RBBP6: variants seen among roughly 807,000 people sequenced by gnomAD.
RBBP6 encodes RB binding protein 6, ubiquitin ligase.
RBBP6 carries 25 observed loss-of-function variants against 167.7 expected under a neutral mutation model. The ratio of observed to expected loss-of-function variants is 0.15; its 90% CI spans 0.11 to 0.21. The LOEUF (loss-of-function observed/expected upper bound fraction) is 0.21. RBBP6 is among the 10% of genes least tolerant of loss of function. The probability of loss-of-function intolerance (pLI) is 1.00; values close to 1 mark genes in which losing one functional copy is unlikely to be tolerated. For missense variants in RBBP6, 1,868 were observed against 2,134.2 expected (o/e 0.88, Z 2.46); for synonymous variants, 789 against 735.8 (o/e 1.07, Z -1.17).
intron 7 of RBBP6, 146 bp from the exon 8 acceptor site, chr16:24,559,359 C>T: frequency 1.9e-6 from 1 of 535,636 alleles, no homozygotes; most frequent in Non-Finnish European, 3.2e-6. Flanking sequence ...TACATAATTA[C>T]TCCCTTATTT....
rs1201562755 is a variant in RBBP6 at position 24,568,632 on chromosome 16, A to AT, written c.2055-110dup. ...TGCCTCTTTAATCATCTAAGATGAA[A>AT]TTTGATATAAAGATAGATGAAACCG... On this transcript the variant is annotated intron_variant, in intron 16 of 17. Coordinates refer to ENST00000319715, the MANE Select transcript of RBBP6 (RefSeq NM_006910.5). 2.9e-6 allele frequency: 4 copies of AT among 1,394,356 alleles called. No homozygotes were observed. In the African/African-American group the frequency reaches 4.3e-5, roughly 15 times the overall value. The allele number at this position is 1,394,356 out of a possible 1,614,324, so 86.4% of individuals were successfully genotyped here. A position where few individuals can be genotyped will look rare whatever the true frequency, so the allele number is the denominator to read the frequency against.
At chr16:24,545,648 G>A (rs1034931873) in intron 1 of RBBP6, among the ~76,000 whole-genome samples, 6 of 152,104 alleles carry the variant, frequency 3.9e-5, no homozygotes, top group African/African-American at 1.4e-4. Flanking sequence ...CCTCCAAGGG[G>A]CTTTCTTGGA....
chr16:24,542,204 T>A (rs1192411006), intron 1 of RBBP6, among the ~76,000 whole-genome samples: 1 of 152,174 alleles, frequency 6.6e-6, no homozygotes, highest in Non-Finnish European at 1.5e-5. Context: ...TAGCTTTATT[T>A]AAGTGCCTCA....
chr16:24,542,481 CAG>C (rs1398412327), intron 1 of RBBP6, among the ~76,000 whole-genome samples: 2 of 147,746 alleles, frequency 1.4e-5, no homozygotes, highest in Admixed American at 6.8e-5. Flanking sequence ...TCCCCTGAAA[CAG>C]AGTCTCACTC....
At chr16:24,570,687 G>T (rs898125848) in intron 17 of RBBP6, among the ~76,000 whole-genome samples, 188 bp downstream of exon 17, 1 of 152,088 alleles carries the variant, frequency 6.6e-6, no homozygotes, top group Non-Finnish European at 1.5e-5. Context: ...GATTTTGGGG[G>T]TGAGCCACAT....
intron 10 of RBBP6, among the ~76,000 whole-genome samples, 154 bp from the exon 11 acceptor site, chr16:24,563,045 G>C (rs192157774): frequency 6.6e-6 from 1 of 152,108 alleles, no homozygotes; most frequent in Non-Finnish European, 1.5e-5. Context: ...ACTCTTCAAA[G>C]TTTCAGCCTT....
At chr16:24,563,703 G>A (rs558252779) in intron 13 of RBBP6, 39 bp downstream of exon 13, 2 of 1,582,052 alleles carry the variant, frequency 1.3e-6, no homozygotes, top group South Asian at 1.1e-5. Context: ...ATGATTGCCT[G>A]CAAACTAGAT....
intron 4 of RBBP6, 127 bp downstream of exon 4, chr16:24,553,684 C>T: frequency 3.4e-6 from 2 of 580,260 alleles, no homozygotes; most frequent in South Asian, 3.2e-5. Context: ...CATATTATTA[C>T]TATCCTGTAA....
At position 24,571,885 on chromosome 16, in the gene RBBP6, A is replaced by G. The variant is rs1362557174; in HGVS notation, c.4819A>G (p.Ile1607Val). ...QVEKEQITGQ[I>V]DKSTVKPKPQ... ...TGAAAAAGAGCAAATTACTGGGCAA[A>G]TTGACAAGAGTACTGTCAAGCCTAA... The change falls in exon 18 of 18, where the codon ATT becomes GTT. Residue 1607 changes from isoleucine to valine, a missense_variant. Physicochemically the swap from Ile to Val is conservative, Grantham distance 29. This residue lies in a region of RBBP6 where 591 missense variants were observed against 540.5 expected (regional missense o/e 1.09). Coordinates refer to ENST00000319715, the MANE Select transcript of RBBP6 (RefSeq NM_006910.5). 1 of 1,614,120 alleles carries G rather than the reference A, an allele frequency of 6.2e-7. No homozygotes were observed. Among genetic ancestry groups the G allele is most frequent in the Non-Finnish European group, 8.5e-7 (1 of 1,179,994 alleles).
rs1450496728 is a variant in RBBP6, at chr16:24,572,709, T to C, written c.*264T>C. The C allele has an allele frequency of 1.3e-5, 4 of 317,702 alleles. No individual in the cohort carries two copies. Among genetic ancestry groups the C allele is most frequent in the Non-Finnish European group, 2.2e-5 (4 of 178,828 alleles). 19.7% of individuals were successfully genotyped at this position (317,702 alleles called of 1,614,324 possible). A position where few individuals can be genotyped will look rare whatever the true frequency, so the allele number is the denominator to read the frequency against. Reference sequence around the variant, plus strand: ...ACCATTAATTAGTTGGGGTGGAGTTTACTGTAATGTGAAATTTTCACATTT... The same window carrying C: ...ACCATTAATTAGTTGGGGTGGAGTTCACTGTAATGTGAAATTTTCACATTT... On this transcript the variant is annotated 3_prime_UTR_variant, in exon 18 of 18. Coordinates refer to ENST00000319715, the MANE Select transcript of RBBP6 (RefSeq NM_006910.5).
intron 9 of RBBP6, 33 bp downstream of exon 9, chr16:24,561,748 C>G (rs1379909783): frequency 6.2e-7 from 1 of 1,609,086 alleles, no homozygotes; most frequent in Non-Finnish European, 8.5e-7. Context: ...TGAAAAAATT[C>G]TTTTTAACTG....
chr16:24,569,264 G>T lies in RBBP6; in HGVS notation c.2574G>T (p.Glu858Asp), dbSNP rs1325729942. ...AGCCTAGACCCTCAGCAAATAGAGA[G>T]AACTTTTCTCCAGAGAGATTTTTGC... ...GAQPRPSANR[E>D]NFSPERFLPL... Residue 858 changes from glutamate (E) to aspartate (D), a missense_variant, in exon 17 of 18, where the codon GAG (glutamate) becomes GAT (aspartate). Physicochemically the swap from Glu to Asp is conservative, Grantham distance 45 (BLOSUM62 2). This residue lies in a region of RBBP6 where 673 missense variants were observed against 691.5 expected (regional missense o/e 0.97). Coordinates refer to ENST00000319715, the MANE Select transcript of RBBP6 (RefSeq NM_006910.5). The T allele has an allele frequency of 6.2e-7, 1 of 1,612,278 alleles. No homozygotes were observed. The highest frequency in any genetic ancestry group is 2.2e-5 in the East Asian group (1 of 44,866).
At chr16:24,544,212 A>G (rs1418186170) in intron 1 of RBBP6, among the ~76,000 whole-genome samples, 1 of 152,152 alleles carries the variant, frequency 6.6e-6, no homozygotes, top group Non-Finnish European at 1.5e-5. Context: ...GTTTGACACA[A>G]AGTTTTATTT....
chr16:24,546,052 GTTA>G, intron 1 of RBBP6, 108 bp from the exon 2 acceptor site: 5 of 1,417,336 alleles, frequency 3.5e-6, no homozygotes, highest in Non-Finnish European at 4.6e-6. Context: ...GGAACTTGTA[GTTA>G]TTATATTTAA....
Position 24,540,267 on chromosome 16 carries a change from C to G in RBBP6, c.-360C>G. On this transcript the variant is annotated 5_prime_UTR_variant, in exon 1 of 18. Transcript: ENST00000319715. ...CCCGTGGGGTCGCTCGGACTCTTAA[C>G]GTGTGGACTGACCGCTACTGACTGC... 5.1e-6 allele frequency: 1 copy of G among 196,462 alleles called. No homozygotes were observed. The highest frequency in any genetic ancestry group is 1.1e-5 in the Non-Finnish European group (1 of 93,386). 12.2% of individuals were successfully genotyped at this position (196,462 alleles called of 1,614,324 possible). A position where few individuals can be genotyped will look rare whatever the true frequency, so the allele number is the denominator to read the frequency against.
At chr16:24,562,569 A>T (rs887459269) in intron 10 of RBBP6, among the ~76,000 whole-genome samples, 1 of 152,190 alleles carries the variant, frequency 6.6e-6, no homozygotes, top group East Asian at 1.9e-4. Context: ...TAGAGAAGTC[A>T]GGAATAGTGA....
At chr16:24,565,335 C>T (rs1292802709) in intron 14 of RBBP6, among the ~76,000 whole-genome samples, 1 of 152,230 alleles carries the variant, frequency 6.6e-6, no homozygotes, top group African/African-American at 2.4e-5. Context: ...GTTAGAGGCT[C>T]CTGCCCTAGT....
Position 24,559,738 on chromosome 16 carries a change from GCTCTTCCCAAC to G in RBBP6, c.847+65_847+75del, listed in dbSNP as rs1369861648. 2.9e-6 allele frequency: 4 copies of G among 1,376,896 alleles called. No homozygotes were observed. In the African/African-American group the frequency reaches 5.9e-5, roughly 20 times the overall value. 85.3% of individuals were successfully genotyped at this position (1,376,896 alleles called of 1,614,324 possible). On this transcript the variant is annotated intron_variant, in intron 8 of 17. Transcript: ENST00000319715. Reference sequence around the variant, plus strand: ...AGAATATTTGTATTTACTTGGAATGGCTCTTCCCAACCTCATATGTTTTAATAATAAAATAA... The same window carrying G: ...AGAATATTTGTATTTACTTGGAATGGCTCATATGTTTTAATAATAAAATAA...
intron 12 of RBBP6, 42 bp downstream of exon 12, chr16:24,563,543 A>G: frequency 6.2e-7 from 1 of 1,611,568 alleles, no homozygotes; most frequent in Non-Finnish European, 8.5e-7. Context: ...TCCCTTTAAA[A>G]AATAATTTTA....
Sources: allele counts gnomAD v4.1 joint callset (sites outside exome capture counted in the v4.1 genomes callset), GRCh38; gene constraint gnomAD v4.1.1; regional missense constraint gnomAD v4.1.1; transcripts MANE v1.5; gene names NCBI Gene and HGNC (gene_info 2026-07-23, HGNC 2026-07-21).